Variants in EXD3 observed in about 807,000 individuals in gnomAD.
EXD3 encodes the protein exonuclease mut-7 homolog.
EXD3 carries 92 observed loss-of-function variants against 98.0 expected under a neutral mutation model. The observed-to-expected ratio is 0.94, with a 90% confidence interval of 0.79 to 1.12. The LOEUF is 1.12. Ranked by LOEUF, EXD3 falls within the 50% of genes most tolerant of loss-of-function variation. The pLI is 0.00. For missense variants in EXD3, 1,222 were observed against 1,191.6 expected (o/e 1.03, Z -0.38); for synonymous variants, 569 against 526.0 (o/e 1.08, Z -1.12).
chr9:137,352,077 C>T lies in EXD3; in HGVS notation c.1162G>A (p.Ala388Thr). 6.2e-7 allele frequency: 1 copy of T among 1,611,734 alleles called. No individual in the cohort carries two copies. The highest frequency in any genetic ancestry group is 1.3e-5 in the African/African-American group (1 of 75,068). Residue 388 changes from alanine to threonine, a missense_variant, in exon 12 of 22, where the codon GCA becomes ACA. By Grantham distance (58) the Ala-to-Thr change is moderately conservative (BLOSUM62 0). Transcript: ENST00000340951. Reference protein sequence around the residue: ...SWEDLTRHEGALLQCHQVVGV... With the variant: ...SWEDLTRHEGTLLQCHQVVGV... ...GCCGAGGGAACCACCTGCAGGAGTG[C>T]ACCCTCGTGTCTGGTCAGGTCTTCC...
At position 137,352,096 on chromosome 9, in the gene EXD3, G is replaced by T. The variant is rs1403699769; in HGVS notation, c.1143C>A (p.Asp381Glu). Reference sequence around the variant, plus strand: ...GGAGTGCACCCTCGTGTCTGGTCAGGTCTTCCCACGAGGCCAGGAGGTGGA... The same window carrying T: ...GGAGTGCACCCTCGTGTCTGGTCAGTTCTTCCCACGAGGCCAGGAGGTGGA... The part of the protein sequence containing the change: ...ENVHLLASWE[D>E]LTRHEGALLQ... The change falls in exon 12 of 22, where the codon GAC (aspartate) becomes GAA (glutamate). Residue 381 changes from aspartate to glutamate, a missense_variant. By Grantham distance (45) the Asp-to-Glu change is conservative (BLOSUM62 2). Coordinates refer to ENST00000340951, the MANE Select transcript of EXD3 (RefSeq NM_017820.5). 4 of 1,612,542 alleles carry T rather than the reference G, an allele frequency of 2.5e-6. No homozygotes were observed. In the Admixed American group the frequency reaches 6.7e-5, roughly 27 times the overall value.
intron 17 of EXD3, among the ~76,000 whole-genome samples, chr9:137,341,194 G>A (rs1833639648): frequency 6.6e-6 from 1 of 152,236 alleles, no homozygotes; most frequent in Non-Finnish European, 1.5e-5. Flanking sequence ...GCCTGTGCCT[G>A]TGTTCCTGGC....
Position 137,356,290 on chromosome 9 carries a change from C to T in EXD3, c.735G>A (p.Gln245=), listed in dbSNP as rs534852810. 16 of 1,603,664 alleles carry T rather than the reference C, an allele frequency of 1.0e-5. No homozygotes were observed. The highest frequency in any genetic ancestry group is 3.4e-5 in the Admixed American group (2 of 58,624). The change falls in exon 8 of 22, where the codon CAG becomes CAA. Residue 245 remains glutamine, a synonymous_variant. Coordinates refer to ENST00000340951, the MANE Select transcript of EXD3 (RefSeq NM_017820.5). The part of the protein sequence containing the change: ...KALSRQVLRL[Q]ERYGVAPALC... ...CACCTGGGGCTACGCCGTACCGCTC[C>T]TGCAGACGCAAGACCTGCCTGCTCA...
At position 137,349,377 on chromosome 9, in the gene EXD3, A is replaced by T; in HGVS notation, c.1649T>A (p.Ile550Asn). 5 of 1,588,826 alleles carry T rather than the reference A, an allele frequency of 3.1e-6. No individual in the cohort carries two copies. The highest frequency in any genetic ancestry group is 4.3e-6 in the Non-Finnish European group (5 of 1,173,406). The change falls in exon 15 of 22, where the codon ATC becomes AAC. Residue 550 changes from isoleucine to asparagine, a missense_variant. Coordinates refer to ENST00000340951, the MANE Select transcript of EXD3 (RefSeq NM_017820.5). The surrounding 1 kb of genome is among the most constrained non-coding windows in gnomAD (Gnocchi z 7.4). ...CCCGCCGCACCGCACACCTGCGTAG[A>T]TGACCTGCTCCTCGCAGAGCGGCCT... is the stretch of plus-strand genomic sequence containing the variant. ...DRRPLCEEQV[I>N]YAAADAYCLL...
chr9:137,376,758 C>T (rs1346844604), intron 3 of EXD3, among the ~76,000 whole-genome samples: 1 of 151,822 alleles, frequency 6.6e-6, no homozygotes, highest in Non-Finnish European at 1.5e-5. Context: ...GGAGAAACCC[C>T]GTCTCTACTA....
intron 7 of EXD3, among the ~76,000 whole-genome samples, chr9:137,358,953 C>CT (rs1347493016): frequency 0.013 from 1,944 of 144,426 alleles, 45 homozygotes; most frequent in African/African-American, 0.043. Flanking sequence ...GCAAGGCCTA[C>CT]TTTTTTTTTT....
intron 12 of EXD3, 59 bp from the exon 13 acceptor site, chr9:137,351,587 C>G: frequency 6.7e-7 from 1 of 1,496,600 alleles, no homozygotes; most frequent in Non-Finnish European, 9.1e-7. Context: ...GCAGGGACCA[C>G]AGCCTGGAGG....
rs1321790135 is a variant in EXD3, at chr9:137,347,596, A to G, written c.1998+475T>C. Among the ~76,000 whole-genome samples, 1 of 151,948 alleles carries G rather than the reference A, an allele frequency of 6.6e-6. No homozygotes were observed. The highest frequency in any genetic ancestry group is 2.4e-5 in the African/African-American group (1 of 41,350). On this transcript the variant is annotated intron_variant, in intron 17 of 21. Transcript: ENST00000340951. The surrounding 1 kb of genome is among the most constrained non-coding windows in gnomAD (Gnocchi z 4.2). ...GTAGTTGGGATTACAGGCGCCCGCCACTACGCCTGGCTAATTTTTCTATTT... is the reference window on the plus strand; with the variant it reads ...GTAGTTGGGATTACAGGCGCCCGCCGCTACGCCTGGCTAATTTTTCTATTT...
At chr9:137,368,126 C>A (rs528432435) in intron 5 of EXD3, 137 bp from the exon 6 acceptor site, 2 of 712,374 alleles carry the variant, frequency 2.8e-6, no homozygotes, top group Non-Finnish European at 2.3e-6. Flanking sequence ...TGTTCAGCCA[C>A]GTGGCCCTCA....
chr9:137,392,726 A>G, intron 2 of EXD3: 2 of 302,978 alleles, frequency 6.6e-6, no homozygotes, highest in East Asian at 8.5e-5. Context: ...CTGTTCCAGG[A>G]GCACCAGGCT....
At chr9:137,355,911 G>A (rs1453018188) in intron 8 of EXD3, among the ~76,000 whole-genome samples, 9 of 152,148 alleles carry the variant, frequency 5.9e-5, no homozygotes, top group South Asian at 2.1e-4. Context: ...ACACAGGCAG[G>A]TGTGGCCATC....
chr9:137,381,538 T>G (rs1836271552), intron 3 of EXD3, among the ~76,000 whole-genome samples: 2 of 146,926 alleles, frequency 1.4e-5, no homozygotes, highest in Admixed American at 1.4e-4. Context: ...CTCCAGGCCC[T>G]CACCCCGCCC....
At chr9:137,344,005 C>G (rs1833793710) in intron 17 of EXD3, among the ~76,000 whole-genome samples, 1 of 150,274 alleles carries the variant, frequency 6.7e-6, no homozygotes, top group South Asian at 2.1e-4. Context: ...CATTCTCCTG[C>G]CTCAGTCTCC....
At chr9:137,416,672 G>A (rs972810831) in intron 1 of EXD3, among the ~76,000 whole-genome samples, 1 of 152,224 alleles carries the variant, frequency 6.6e-6, no homozygotes. Context: ...CACCCTCTGA[G>A]GAGGATGGGG....
chr9:137,309,890 T>C (rs1433897927), intron 19 of EXD3, among the ~76,000 whole-genome samples, 190 bp from the exon 20 acceptor site: 1 of 152,246 alleles, frequency 6.6e-6, no homozygotes, highest in African/African-American at 2.4e-5. Context: ...AAGCCCTCCC[T>C]GACTGTGCTG....
chr9:137,361,696 A>G, intron 7 of EXD3, among the ~76,000 whole-genome samples: 1 of 148,984 alleles, frequency 6.7e-6, no homozygotes, highest in Non-Finnish European at 1.5e-5. Flanking sequence ...CAGTGAGCTG[A>G]GATCGCGCCA....
At chr9:137,416,557 C>G (rs1402676777) in intron 1 of EXD3, among the ~76,000 whole-genome samples, 3 of 151,884 alleles carry the variant, frequency 2.0e-5, no homozygotes, top group Admixed American at 2.0e-4. Context: ...GCATCCGGAC[C>G]CTCGTCAGCC....
intron 17 of EXD3, among the ~76,000 whole-genome samples, chr9:137,344,143 G>A (rs1213398783): frequency 2.6e-5 from 4 of 151,656 alleles, no homozygotes; most frequent in Non-Finnish European, 4.4e-5. Flanking sequence ...CGCCCACCTC[G>A]GCCTCTGAAA....
chr9:137,314,608 G>A (rs931401783), intron 19 of EXD3, among the ~76,000 whole-genome samples: 1 of 150,926 alleles, frequency 6.6e-6, no homozygotes, highest in Non-Finnish European at 1.5e-5. Context: ...CTTGCCCCCT[G>A]TCCCCCCGCC....
Sources: allele counts gnomAD v4.1 joint callset (sites outside exome capture counted in the v4.1 genomes callset), GRCh38; gene constraint gnomAD v4.1.1; non-coding constraint Gnocchi (gnomAD v3.1); transcripts MANE v1.5; gene names NCBI Gene and HGNC (gene_info 2026-07-23, HGNC 2026-07-21).